The following LARGE1 variants were observed in gnomAD, a reference collection of about 807,000 sequenced individuals.
LARGE1 encodes the protein xylosyl- and glucuronyltransferase LARGE1.
In LARGE1, 43 loss-of-function variants were observed where a neutral mutation model predicts 87.6. That is an observed-to-expected ratio of 0.49 (90% CI 0.38 to 0.63). The LOEUF (loss-of-function observed/expected upper bound fraction) is 0.63, where lower values mean the gene tolerates loss of function less well. LARGE1 is among the 30% of genes least tolerant of loss of function. LARGE1 has a pLI of 0.00. For missense variants in LARGE1, 802 were observed against 1,000.2 expected (o/e 0.80, Z 2.67); for synonymous variants, 434 against 394.6 (o/e 1.10, Z -1.18).
At chr22:33,132,853 C>G in the LARGE1 span, among the ~76,000 whole-genome samples, 2 of 152,274 alleles carry the variant, frequency 1.3e-5, no homozygotes, top group African/African-American at 4.8e-5. Flanking sequence ...ATGTAACATA[C>G]ACTTTTAAGA....
At chr22:33,282,933 T>G (rs1285231483) in intron 13 of LARGE1, among the ~76,000 whole-genome samples, 3 of 152,070 alleles carry the variant, frequency 2.0e-5, no homozygotes, top group Non-Finnish European at 4.4e-5. Flanking sequence ...AGCTAAACCT[T>G]CCTACCCTTC....
downstream of LARGE1, among the ~76,000 whole-genome samples, chr22:33,160,600 T>A (rs569884001): frequency 6.6e-6 from 1 of 152,264 alleles, no homozygotes; most frequent in South Asian, 2.1e-4. Context: ...CTGTGACAGA[T>A]GCTCTGTGTT....
chr22:33,823,263 T>G (rs1046649516), intron 1 of LARGE1, among the ~76,000 whole-genome samples: 6 of 152,146 alleles, frequency 3.9e-5, no homozygotes, highest in Admixed American at 2.0e-4. Flanking sequence ...TGTGTGTCTG[T>G]GTGTGTGTAT....
chr22:33,788,083 G>T (rs924429357), intron 1 of LARGE1, among the ~76,000 whole-genome samples: 1 of 152,144 alleles, frequency 6.6e-6, no homozygotes, highest in Non-Finnish European at 1.5e-5. Context: ...TTATTTGTTG[G>T]CTGTGTCCTC....
chr22:33,649,219 G>C (rs1300687394), intron 3 of LARGE1, among the ~76,000 whole-genome samples: 1 of 152,086 alleles, frequency 6.6e-6, no homozygotes, highest in African/African-American at 2.4e-5. Context: ...CCTCACCACT[G>C]AACTTCCAAA....
At chr22:33,675,739 C>T (rs180968713) in intron 2 of LARGE1, among the ~76,000 whole-genome samples, 18 of 152,314 alleles carry the variant, frequency 1.2e-4, no homozygotes, top group Admixed American at 7.2e-4. Flanking sequence ...AATAACCACT[C>T]CCCTCACAAA....
At chr22:33,393,578 A>T (rs2065608700) in intron 7 of LARGE1, among the ~76,000 whole-genome samples, 1 of 152,220 alleles carries the variant, frequency 6.6e-6, no homozygotes, top group Admixed American at 6.5e-5. Flanking sequence ...CGTGCCCCAA[A>T]TCAGACTTTT....
chr22:33,109,951 A>G, the LARGE1 span, among the ~76,000 whole-genome samples: 13 of 152,316 alleles, frequency 8.5e-5, no homozygotes, highest in African/African-American at 3.1e-4. Context: ...AGTCTGTAGA[A>G]CCGTGAGCCA....
chr22:33,307,687 A>G (rs2146207730), intron 11 of LARGE1, among the ~76,000 whole-genome samples: 1 of 152,300 alleles, frequency 6.6e-6, no homozygotes, highest in South Asian at 2.1e-4. Flanking sequence ...GGGAAAAAAG[A>G]CAATCAACAA....
intron 2 of LARGE1, among the ~76,000 whole-genome samples, chr22:33,681,637 A>G (rs1009223120): frequency 5.3e-5 from 8 of 152,234 alleles, no homozygotes; most frequent in African/African-American, 1.9e-4. Flanking sequence ...CACAATAACA[A>G]TAATCAGTCT....
downstream of LARGE1, among the ~76,000 whole-genome samples, chr22:33,270,820 G>A (rs567919378): frequency 6.6e-6 from 1 of 152,282 alleles, no homozygotes; most frequent in East Asian, 1.9e-4. Flanking sequence ...TCATGATGGG[G>A]CACAAAGAGG....
intron 11 of LARGE1, among the ~76,000 whole-genome samples, chr22:33,260,726 C>T (rs73397564): frequency 0.03 from 4,545 of 152,250 alleles, 161 homozygotes; most frequent in African/African-American, 0.083. Context: ...TGAGAAAACC[C>T]GTGGAAGATT....
chr22:33,918,051 A>T (rs910006983), intron 1 of LARGE1, among the ~76,000 whole-genome samples: 5 of 152,218 alleles, frequency 3.3e-5, no homozygotes, highest in Non-Finnish European at 5.9e-5. Flanking sequence ...TGCACTGTGC[A>T]TCAACTTTAA....
chr22:33,757,389 G>C (rs2084556777), intron 2 of LARGE1, among the ~76,000 whole-genome samples: 1 of 152,192 alleles, frequency 6.6e-6, no homozygotes, highest in Non-Finnish European at 1.5e-5. Context: ...GAAGCTTGTA[G>C]GTAGAATGTC....
At chr22:33,172,937 A>G (rs1922656131) in intron 11 of LARGE1, among the ~76,000 whole-genome samples, 1 of 152,220 alleles carries the variant, frequency 6.6e-6, no homozygotes, top group Admixed American at 6.5e-5. Context: ...AACACACATC[A>G]GGGTATTATC....
intron 2 of LARGE1, among the ~76,000 whole-genome samples, chr22:33,751,891 C>T (rs917564288): frequency 6.6e-6 from 1 of 152,052 alleles, no homozygotes; most frequent in African/African-American, 2.4e-5. Context: ...CCTCAGCCTC[C>T]CTAGTAGGTG....
At chr22:33,633,813 C>T (rs979967783) in intron 3 of LARGE1, among the ~76,000 whole-genome samples, 5 of 152,216 alleles carry the variant, frequency 3.3e-5, no homozygotes, top group Non-Finnish European at 7.3e-5. Context: ...TCCCAGAGGA[C>T]AGATGCTCTG....
chr22:33,100,020 C>A, the LARGE1 span, among the ~76,000 whole-genome samples: 4 of 152,120 alleles, frequency 2.6e-5, no homozygotes, highest in African/African-American at 9.7e-5. Context: ...ATGGTAGCCA[C>A]TAGACACATG....
chr22:33,260,369 G>T (rs2145744827), intron 11 of LARGE1, among the ~76,000 whole-genome samples: 1 of 152,320 alleles, frequency 6.6e-6, no homozygotes, highest in South Asian at 2.1e-4. Flanking sequence ...TTGCTTCTGA[G>T]AAATCCCACT....
Sources: gnomAD v4.1 joint callset for allele counts (sites outside exome capture counted in the v4.1 genomes callset) on GRCh38, gnomAD v4.1.1 for gene constraint, MANE v1.5 for transcripts, NCBI Gene and HGNC (gene_info 2026-07-23, HGNC 2026-07-21) for gene names.